The following SPATS1 variants were observed in gnomAD, a reference collection of about 807,000 sequenced individuals.
SPATS1 encodes spermatogenesis associated serine rich 1.
Under a neutral mutation model 33.6 loss-of-function variants are expected in SPATS1, and 23 were observed. The ratio of observed to expected loss-of-function variants is 0.68; its 90% CI spans 0.49 to 0.97. SPATS1 has a LOEUF of 0.97. Among genes scored for constraint, SPATS1 ranks in the 50% least tolerant of loss-of-function variants. The probability of loss-of-function intolerance (pLI) is 0.00; values close to 1 mark genes in which losing one functional copy is unlikely to be tolerated. For missense variants in SPATS1, 327 were observed against 361.0 expected (o/e 0.91, Z 0.76); for synonymous variants, 131 against 125.6 (o/e 1.04, Z -0.29).
chr6:44,376,992 T>C, intron 8 of SPATS1, 43 bp from the exon 9 acceptor site: 1 of 1,613,062 alleles, frequency 6.2e-7, no homozygotes, highest in Non-Finnish European at 8.5e-7. Flanking sequence ...ATTGTTAGTT[T>C]TGTAATGGAA....
intron 2 of SPATS1, among the ~76,000 whole-genome samples, chr6:44,352,098 A>G (rs942858485): frequency 1.3e-5 from 2 of 152,064 alleles, no homozygotes; most frequent in African/African-American, 4.8e-5. Context: ...TAGTGTCACA[A>G]GAGCTGTAAT....
chr6:44,344,039 C>T (rs73733897), intron 2 of SPATS1, among the ~76,000 whole-genome samples: 1,587 of 152,158 alleles, frequency 0.01, 13 homozygotes, highest in Middle Eastern at 0.017. Flanking sequence ...AAGCTAGGAC[C>T]GTAGAGAAGG....
At chr6:44,354,094 A>G (rs1048076864) in intron 3 of SPATS1, among the ~76,000 whole-genome samples, 4 of 148,568 alleles carry the variant, frequency 2.7e-5, no homozygotes, top group Admixed American at 1.4e-4. Flanking sequence ...GCTCACACCT[A>G]TAATCCCAGC....
intron 1 of SPATS1, 130 bp from the exon 2 acceptor site, chr6:44,342,966 T>C: frequency 7.7e-7 from 1 of 1,291,690 alleles, no homozygotes. Flanking sequence ...GGCTCCCGTT[T>C]AGAGGCCAGT....
intron 5 of SPATS1, among the ~76,000 whole-genome samples, chr6:44,362,820 G>A (rs927377800): frequency 6.6e-5 from 10 of 151,938 alleles, no homozygotes; most frequent in Admixed American, 6.6e-4. Flanking sequence ...ATGGAAATCC[G>A]TGAGGAGTCC....
chr6:44,350,250 T>C (rs980406891), intron 2 of SPATS1, among the ~76,000 whole-genome samples: 1 of 152,200 alleles, frequency 6.6e-6, no homozygotes, highest in Non-Finnish European at 1.5e-5. Context: ...TTCTCGTGAC[T>C]GGGCAAATTC....
chr6:44,379,734 G>C lies in SPATS1; in HGVS notation c.*2671G>C, dbSNP rs1295893221. Among the ~76,000 whole-genome samples, 1 of 150,120 alleles carries C rather than the reference G, an allele frequency of 6.7e-6. No individual in the cohort carries two copies. The highest frequency in any genetic ancestry group is 6.7e-5 in the Admixed American group (1 of 15,022). On this transcript the variant is annotated 3_prime_UTR_variant, in exon 9 of 9. Coordinates refer to ENST00000674044, the MANE Select transcript of SPATS1 (RefSeq NM_001372081.1). ...TAATTCCTAGGTGCTGCTCTAAGTA[G>C]ATATGATTTGATTCCTTTTTCTTTT...
At chr6:44,372,840 T>C (rs556760428) in intron 7 of SPATS1, among the ~76,000 whole-genome samples, 7 of 152,220 alleles carry the variant, frequency 4.6e-5, no homozygotes, top group Admixed American at 3.3e-4. Flanking sequence ...AGGCTTGTTT[T>C]CAAGCTTTGT....
At chr6:44,352,580 G>A in intron 2 of SPATS1, 146 bp from the exon 3 acceptor site, 2 of 681,980 alleles carry the variant, frequency 2.9e-6, no homozygotes, top group South Asian at 3.8e-5. Context: ...AATAATATGT[G>A]TAAAGGTGTT....
At chr6:44,354,960 G>A (rs1376363178) in intron 3 of SPATS1, among the ~76,000 whole-genome samples, 1 of 152,126 alleles carries the variant, frequency 6.6e-6, no homozygotes, top group Non-Finnish European at 1.5e-5. Flanking sequence ...GACCACAGAT[G>A]TGTGCAACCA....
At position 44,361,879 on chromosome 6, in the gene SPATS1, A is replaced by G; in HGVS notation, c.461A>G (p.Asn154Ser). ...ACATTTTACCCAAGGTTTAGCAGCA[A>G]CATCCACACCTACCACGTCGGAAAG... ...EWTFYPRFSSNIHTYHVGKQC... is the reference protein window; with the variant it reads ...EWTFYPRFSSSIHTYHVGKQC... The change falls in exon 5 of 9, where the codon AAC (asparagine) becomes AGC (serine). Residue 154 changes from asparagine to serine, a missense_variant. Asn to Ser is a conservative substitution (Grantham distance 46). Transcript: ENST00000674044. 1.2e-6 allele frequency: 2 copies of G among 1,614,254 alleles called. No homozygotes were observed. The highest frequency in any genetic ancestry group is 8.5e-7 in the Non-Finnish European group (1 of 1,180,052).
intron 5 of SPATS1, among the ~76,000 whole-genome samples, chr6:44,366,724 G>A (rs976282547): frequency 5.9e-5 from 9 of 152,170 alleles, no homozygotes; most frequent in East Asian, 3.9e-4. Flanking sequence ...TATAGCAATC[G>A]TATCCTCCAG....
At chr6:44,361,623 CT>C in intron 4 of SPATS1, 1 of 808,710 alleles carries the variant, frequency 1.2e-6, no homozygotes, top group Non-Finnish European at 1.5e-6. Context: ...AAGACGGCCT[CT>C]TAGATAGCTC....
chr6:44,362,934 G>A (rs528636985), intron 5 of SPATS1, among the ~76,000 whole-genome samples: 2 of 151,826 alleles, frequency 1.3e-5, no homozygotes, highest in South Asian at 4.2e-4. Flanking sequence ...CGCCTCCCGG[G>A]TTCAAGCCAT....
At chr6:44,357,026 C>T (rs892739639) in intron 3 of SPATS1, among the ~76,000 whole-genome samples, 4 of 152,098 alleles carry the variant, frequency 2.6e-5, no homozygotes, top group Non-Finnish European at 5.9e-5. Context: ...CACATGTGAC[C>T]ATGTCATGTC....
intron 5 of SPATS1, among the ~76,000 whole-genome samples, chr6:44,363,602 CTTTT>C (rs1238464522): frequency 6.6e-6 from 1 of 152,050 alleles, no homozygotes; most frequent in Non-Finnish European, 1.5e-5. Flanking sequence ...CCTTTCCTTT[CTTTT>C]TCTTTCTTCT....
chr6:44,373,715 CAGAG>C (rs2153370439), intron 7 of SPATS1, among the ~76,000 whole-genome samples: 1 of 152,288 alleles, frequency 6.6e-6, no homozygotes, highest in South Asian at 2.1e-4. Flanking sequence ...TAGTTAGTGA[CAGAG>C]AGAGCCAGAA....
At chr6:44,375,985 A>G (rs771828370) in intron 7 of SPATS1, among the ~76,000 whole-genome samples, 1 of 152,024 alleles carries the variant, frequency 6.6e-6, no homozygotes, top group Non-Finnish European at 1.5e-5. Context: ...ATGTGCCTAT[A>G]GTCCCAGCTA....
At chr6:44,365,802 A>C (rs565342323) in intron 5 of SPATS1, among the ~76,000 whole-genome samples, 6 of 152,158 alleles carry the variant, frequency 3.9e-5, no homozygotes, top group Non-Finnish European at 8.8e-5. Flanking sequence ...CTACCTCCTG[A>C]ATGTCTACAT....
Sources: gnomAD v4.1 joint callset for allele counts (sites outside exome capture counted in the v4.1 genomes callset) on GRCh38, gnomAD v4.1.1 for gene constraint, MANE v1.5 for transcripts, NCBI Gene and HGNC (gene_info 2026-07-23, HGNC 2026-07-21) for gene names.